USP50: variants seen among roughly 807,000 people sequenced by gnomAD.
USP50 encodes the protein ubiquitin carboxyl-terminal hydrolase 50.
USP50 carries 37 observed loss-of-function variants against 39.2 expected under a neutral mutation model. The observed-to-expected ratio is 0.94, with a 90% CI of 0.73 to 1.24. USP50 has a LOEUF of 1.24. Ranked by LOEUF, USP50 falls within the 50% of genes most tolerant of loss-of-function variation. The probability of loss-of-function intolerance (pLI) is 0.00; values close to 1 mark genes in which losing one functional copy is unlikely to be tolerated. For synonymous variants in USP50, 139 were observed against 144.5 expected, an observed-to-expected ratio of 0.96 and a Z score of 0.27; for missense variants, 374 against 398.2, an observed-to-expected ratio of 0.94 and a Z score of 0.52.
At chr15:50,521,290 C>T (rs1164892147) in intron 6 of USP50, among the ~76,000 whole-genome samples, 1 of 152,138 alleles carries the variant, frequency 6.6e-6, no homozygotes, top group Non-Finnish European at 1.5e-5. Context: ...GATCCACTAG[C>T]CTTGACCTCT....
chr15:50,508,631 C>T (rs1227380737), intron 6 of USP50: 1 of 151,912 alleles, frequency 6.6e-6, no homozygotes, highest in African/African-American at 2.4e-5. Context: ...GAGGAATAAC[C>T]CATAAAGCAG....
At chr15:50,521,651 G>A (rs1357146473) in intron 6 of USP50, among the ~76,000 whole-genome samples, 1 of 151,982 alleles carries the variant, frequency 6.6e-6, no homozygotes, top group Non-Finnish European at 1.5e-5. Context: ...GCTAGACTAA[G>A]AAAAAAAGAC....
At position 50,542,711 on chromosome 15, in the gene USP50, A is replaced by T. The variant is rs183435937; in HGVS notation, c.444+887T>A. 8.6e-5 allele frequency among the ~76,000 whole-genome samples: 13 copies of T among 150,938 alleles called. No individual in the cohort carries two copies. The South Asian group carries it at 1.5e-3, about 17-fold the overall frequency. The stretch of plus-strand genomic sequence containing the variant: ...ACCGTGTTAGCCAGGATGGTCTTGA[A>T]CTCCTGACCTCAAGTGATCCACCCA... On this transcript the variant is annotated intron_variant, in intron 3 of 6. Coordinates refer to ENST00000532404, the MANE Select transcript of USP50 (RefSeq NM_203494.5).
chr15:50,541,500 G>A (rs1482617863), intron 3 of USP50, among the ~76,000 whole-genome samples: 1 of 151,876 alleles, frequency 6.6e-6, no homozygotes, highest in East Asian at 1.9e-4. Context: ...GTGACAGAGT[G>A]AGACCATGTT....
At chr15:50,501,119 A>G in intron 6 of USP50, 1 of 332,242 alleles carries the variant, frequency 3.0e-6, no homozygotes, top group Non-Finnish European at 5.8e-6. Flanking sequence ...TTTAGTTAGC[A>G]CTTAATATAC....
chr15:50,530,774 G>T (rs773515421), intron 5 of USP50, among the ~76,000 whole-genome samples: 1 of 152,050 alleles, frequency 6.6e-6, no homozygotes, highest in Non-Finnish European at 1.5e-5. Flanking sequence ...AAAAGAAAGG[G>T]ATAACCAAGG....
chr15:50,526,133 G>A (rs559511945), intron 6 of USP50, among the ~76,000 whole-genome samples: 45 of 152,140 alleles, frequency 3.0e-4, no homozygotes, highest in African/African-American at 8.9e-4. Flanking sequence ...ATCTCAGCTC[G>A]CTGCAGCCTC....
At chr15:50,518,578 T>A (rs2052822572) in intron 6 of USP50, among the ~76,000 whole-genome samples, 1 of 151,644 alleles carries the variant, frequency 6.6e-6, no homozygotes. Context: ...TTCAATAAAT[T>A]GTACTGGAAA....
downstream of USP50, chr15:50,497,016 A>G (rs866257034): frequency 2.6e-6 from 4 of 1,522,792 alleles, no homozygotes; most frequent in Middle Eastern, 4.9e-4. Flanking sequence ...AGAGTGACTA[A>G]CTAAATAGGT....
At chr15:50,537,890 G>GAA (rs2052992691) in intron 5 of USP50, among the ~76,000 whole-genome samples, 1 of 63,516 alleles carries the variant, frequency 1.6e-5, no homozygotes, top group Non-Finnish European at 3.4e-5. Context: ...GGAGGGGAGG[G>GAA]GAGGGGAGGG....
chr15:50,521,101 G>A (rs1436955246), intron 6 of USP50, among the ~76,000 whole-genome samples: 1 of 152,128 alleles, frequency 6.6e-6, no homozygotes, highest in African/African-American at 2.4e-5. Context: ...GAGTACAAAG[G>A]CGCCATCTCA....
intron 6 of USP50, chr15:50,509,610 T>A (rs1387843457): frequency 6.6e-6 from 1 of 152,088 alleles, no homozygotes; most frequent in Non-Finnish European, 1.5e-5. Flanking sequence ...ATCGTGCCAT[T>A]GCACTCCAGC....
intron 5 of USP50, 81 bp from the exon 6 acceptor site, chr15:50,530,010 T>G: frequency 6.4e-7 from 1 of 1,565,894 alleles, no homozygotes; most frequent in South Asian, 1.2e-5. Context: ...CCGAGTATTT[T>G]AAAAGTAATT....
chr15:50,538,868 G>C lies in USP50; in HGVS notation c.661-17C>G. 6.3e-7 allele frequency: 1 copy of C among 1,582,646 alleles called. No homozygotes were observed. Among genetic ancestry groups the C allele is most frequent in the East Asian group, 2.3e-5 (1 of 44,424 alleles). On this transcript the variant is annotated splice_polypyrimidine_tract_variant and intron_variant, in intron 4 of 6. Coordinates refer to ENST00000532404, the MANE Select transcript of USP50 (RefSeq NM_203494.5). ...GAGACAGTCCTGTTAAGGAAAAAAA[G>C]GATTTGGTGACCAAATTGGATCAAC...
chr15:50,535,204 T>A (rs1031356212), intron 5 of USP50, among the ~76,000 whole-genome samples: 1 of 152,008 alleles, frequency 6.6e-6, no homozygotes, highest in East Asian at 1.9e-4. Flanking sequence ...GATGAATCAC[T>A]TTTATAGTTG....
At chr15:50,496,298 G>A (rs1043709371), downstream of USP50, among the ~76,000 whole-genome samples, 7 of 151,976 alleles carry the variant, frequency 4.6e-5, no homozygotes, top group African/African-American at 7.2e-5. Flanking sequence ...TGGATAACAC[G>A]GTGAAACCCC....
intron 6 of USP50, chr15:50,511,273 C>G (rs2052736361): frequency 6.6e-6 from 1 of 152,104 alleles, no homozygotes; most frequent in African/African-American, 2.4e-5. Context: ...GAGGCAGTAA[C>G]AAGTTCGGTT....
intron 5 of USP50, 57 bp downstream of exon 5, chr15:50,538,635 ATTATTGGCATGTGAATT>A: frequency 1.4e-6 from 2 of 1,420,554 alleles, no homozygotes; most frequent in Non-Finnish European, 9.4e-7. Flanking sequence ...AAATGGGTGA[ATTATTGGCATGTGAATT>A]TTATCTCTAT....
rs569715068 is a variant in USP50, at chr15:50,519,273, C to T, written c.936+10524G>A. 1.1e-4 allele frequency among the ~76,000 whole-genome samples: 16 copies of T among 151,726 alleles called. 1 individual carries two copies. Among genetic ancestry groups the T allele is most frequent in the Middle Eastern group, 3.4e-3 (1 of 294 alleles). On this transcript the variant is annotated intron_variant, in intron 6 of 6. Transcript: ENST00000532404. Reference sequence around the variant, plus strand: ...CTGCACTCCAGCCTGGGCAACAGAGCGAGACTCTGTCTCAAAAAAATCAGT... The same window carrying T: ...CTGCACTCCAGCCTGGGCAACAGAGTGAGACTCTGTCTCAAAAAAATCAGT...
Sources: gnomAD v4.1 joint callset for allele counts (sites outside exome capture counted in the v4.1 genomes callset) on GRCh38, gnomAD v4.1.1 for gene constraint, MANE v1.5 for transcripts, NCBI Gene and HGNC (gene_info 2026-07-23, HGNC 2026-07-21) for gene names.